PARP8: variants seen among roughly 807,000 people sequenced by gnomAD.
PARP8 encodes the protein protein mono-ADP-ribosyltransferase PARP8.
Under a neutral mutation model 124.1 loss-of-function variants are expected in PARP8, and 51 were observed. That is an observed-to-expected ratio of 0.41 (90% CI 0.33 to 0.52). The LOEUF is 0.52. Ranked by LOEUF, PARP8 falls within the 20% of genes least tolerant of loss-of-function variation. The probability of loss-of-function intolerance (pLI) is 0.21; values close to 1 mark genes in which losing one functional copy is unlikely to be tolerated. For synonymous variants in PARP8, 391 were observed against 361.5 expected, an observed-to-expected ratio of 1.08 and a Z score of -0.93; for missense variants, 860 against 1,018.9, an observed-to-expected ratio of 0.84 and a Z score of 2.12.
chr5:50,842,684 C>T lies in PARP8; in HGVS notation c.*616C>T, dbSNP rs1748297408. 1 of 151,608 alleles carries T rather than the reference C, an allele frequency of 6.6e-6. No individual in the cohort carries two copies. Among genetic ancestry groups the T allele is most frequent in the Non-Finnish European group, 1.5e-5 (1 of 67,718 alleles). 9.4% of individuals were successfully genotyped at this position (151,608 alleles called of 1,614,324 possible). A position where few individuals can be genotyped will look rare whatever the true frequency, so the allele number is the denominator to read the frequency against. ...GTGAATATATTTGTGTATATTCACA[C>T]GTATGTTTTGACAAGAAAGATGGCT... On this transcript the variant is annotated 3_prime_UTR_variant, in exon 26 of 26. Coordinates refer to ENST00000281631, the MANE Select transcript of PARP8 (RefSeq NM_024615.4).
chr5:50,815,992 T>TG (rs1443477830), intron 15 of PARP8, among the ~76,000 whole-genome samples: 2 of 137,400 alleles, frequency 1.5e-5, no homozygotes, highest in African/African-American at 3.4e-5. Flanking sequence ...AATTTCCAGA[T>TG]TTTTTTTTTC....
intron 2 of PARP8, among the ~76,000 whole-genome samples, chr5:50,718,343 T>C (rs1755529315): frequency 6.6e-6 from 1 of 152,038 alleles, no homozygotes; most frequent in Non-Finnish European, 1.5e-5. Flanking sequence ...CAATCTTGCA[T>C]AATGACTTCT....
At chr5:50,722,265 A>T (rs1755969175) in intron 2 of PARP8, among the ~76,000 whole-genome samples, 1 of 152,104 alleles carries the variant, frequency 6.6e-6, no homozygotes, top group Admixed American at 6.6e-5. Flanking sequence ...TTAAGGAAAG[A>T]GTTTTTCAAG....
chr5:50,667,078 T>A lies in PARP8; in HGVS notation c.-18T>A. The A allele has an allele frequency of 6.3e-7, 1 of 1,596,204 alleles. No homozygotes were observed. Among genetic ancestry groups the A allele is most frequent in the Non-Finnish European group, 8.5e-7 (1 of 1,179,724 alleles). On this transcript the variant is annotated 5_prime_UTR_variant, in exon 1 of 26. Coordinates refer to ENST00000281631, the MANE Select transcript of PARP8 (RefSeq NM_024615.4). ...TGGGGTGGAAATAGCGGCTGCTTCTTTTCCAGGGATTTATTTAATGGGGAT... is the reference window on the plus strand; with the variant it reads ...TGGGGTGGAAATAGCGGCTGCTTCTATTCCAGGGATTTATTTAATGGGGAT...
intron 9 of PARP8, among the ~76,000 whole-genome samples, chr5:50,782,926 G>C (rs1337372335): frequency 6.6e-6 from 1 of 152,164 alleles, no homozygotes; most frequent in East Asian, 1.9e-4. Context: ...GACCGCAAGA[G>C]ATCACTACAG....
intron 6 of PARP8, among the ~76,000 whole-genome samples, chr5:50,762,410 C>T (rs1415502478): frequency 6.6e-6 from 1 of 151,810 alleles, no homozygotes; most frequent in Non-Finnish European, 1.5e-5. Flanking sequence ...ATAGCCTAGC[C>T]ACATATATAA....
At chr5:50,812,964 G>T (rs1253553813) in intron 14 of PARP8, among the ~76,000 whole-genome samples, 2 of 152,008 alleles carry the variant, frequency 1.3e-5, no homozygotes, top group African/African-American at 2.4e-5. Flanking sequence ...TCTCTGTTTT[G>T]GTACCAGTAC....
At chr5:50,825,021 T>C in intron 18 of PARP8, 46 bp downstream of exon 18, 1 of 1,466,072 alleles carries the variant, frequency 6.8e-7, no homozygotes. Context: ...CATCCTTTTC[T>C]ACTGCTTGAT....
chr5:50,702,078 GA>G (rs1236260032), intron 2 of PARP8, among the ~76,000 whole-genome samples: 1 of 152,056 alleles, frequency 6.6e-6, no homozygotes, highest in Admixed American at 6.6e-5. Flanking sequence ...AAAAACTGAT[GA>G]AAATGTATTC....
At chr5:50,718,415 G>A (rs1487509226) in intron 2 of PARP8, among the ~76,000 whole-genome samples, 2 of 151,682 alleles carry the variant, frequency 1.3e-5, no homozygotes, top group Non-Finnish European at 2.9e-5. Flanking sequence ...CATGGAGAAA[G>A]CATATGTACA....
intron 14 of PARP8, among the ~76,000 whole-genome samples, chr5:50,798,975 T>C (rs26071): frequency 0.16 from 23,598 of 152,208 alleles, 2,220 homozygotes; most frequent in African/African-American, 0.27. Context: ...ATACTTTATC[T>C]TTACCACATA....
intron 11 of PARP8, 22 bp downstream of exon 11, chr5:50,794,354 C>T: frequency 6.2e-7 from 1 of 1,610,176 alleles, no homozygotes; most frequent in Non-Finnish European, 8.5e-7. Context: ...GCAACTTCGT[C>T]ATTGTCTTAC....
chr5:50,679,275 A>G (rs1212056103), intron 2 of PARP8, among the ~76,000 whole-genome samples: 2 of 152,156 alleles, frequency 1.3e-5, no homozygotes, highest in African/African-American at 4.8e-5. Context: ...GCGATTCTCC[A>G]GACTCCATAC....
intron 2 of PARP8, among the ~76,000 whole-genome samples, chr5:50,705,522 T>C (rs2149481266): frequency 6.6e-6 from 1 of 152,256 alleles, no homozygotes; most frequent in South Asian, 2.1e-4. Context: ...GTGCGGTGGC[T>C]CACACCTGTA....
chr5:50,736,363 CT>C (rs1757478193), intron 2 of PARP8, among the ~76,000 whole-genome samples: 2 of 152,050 alleles, frequency 1.3e-5, no homozygotes, highest in South Asian at 4.1e-4. Flanking sequence ...GGTGCAGCAT[CT>C]TTGTAATGGA....
chr5:50,737,097 G>T (rs1757545361), intron 2 of PARP8, among the ~76,000 whole-genome samples: 1 of 152,060 alleles, frequency 6.6e-6, no homozygotes, highest in Non-Finnish European at 1.5e-5. Flanking sequence ...TCTGGTTGAG[G>T]CTCCCAAAAT....
intron 21 of PARP8, among the ~76,000 whole-genome samples, chr5:50,828,965 T>G (rs1176697087): frequency 6.6e-6 from 1 of 152,142 alleles, no homozygotes; most frequent in East Asian, 1.9e-4. Context: ...AATCACACTT[T>G]TTACTTAAGT....
chr5:50,744,089 G>A (rs1223444160), intron 2 of PARP8, among the ~76,000 whole-genome samples: 5 of 152,214 alleles, frequency 3.3e-5, no homozygotes, highest in African/African-American at 1.2e-4. Flanking sequence ...ACAGATGGCA[G>A]TTATGGGCCC....
chr5:50,830,015 A>G, intron 22 of PARP8, 54 bp downstream of exon 22: 2 of 1,582,660 alleles, frequency 1.3e-6, no homozygotes, highest in Admixed American at 3.4e-5. Flanking sequence ...TAATTTTCTT[A>G]TTGTTTATAC....
Sources: allele counts gnomAD v4.1 joint callset (sites outside exome capture counted in the v4.1 genomes callset), GRCh38; gene constraint gnomAD v4.1.1; transcripts MANE v1.5; gene names NCBI Gene and HGNC (gene_info 2026-07-23, HGNC 2026-07-21).